PCDH15: variants seen among roughly 807,000 people sequenced by gnomAD.
PCDH15 encodes the protein protocadherin related 15.
In PCDH15, 129 loss-of-function variants were observed where a neutral mutation model predicts 178.5. That is an observed-to-expected ratio of 0.72 (90% CI 0.63 to 0.84). The LOEUF is 0.84. Ranked by LOEUF, PCDH15 falls within the 40% of genes least tolerant of loss-of-function variation. The pLI, the probability that PCDH15 is intolerant of heterozygous loss-of-function variation, is 0.00. For synonymous variants in PCDH15, 800 were observed against 732.0 expected, an observed-to-expected ratio of 1.09 and a Z score of -1.50; for missense variants, 2,230 against 2,099.9, an observed-to-expected ratio of 1.06 and a Z score of -1.21.
At chr10:54,328,798 G>A (rs1389451153) in intron 7 of PCDH15, among the ~76,000 whole-genome samples, 1 of 78,884 alleles carries the variant, frequency 1.3e-5, no homozygotes. Flanking sequence ...CAGAGAAGAG[G>A]GAAGTATAAG....
At chr10:55,163,935 C>T (rs974722261) in intron 2 of PCDH15, among the ~76,000 whole-genome samples, 3 of 152,296 alleles carry the variant, frequency 2.0e-5, no homozygotes, top group Admixed American at 6.5e-5. Flanking sequence ...TGCCACTGCT[C>T]TGCCTATGGA....
At chr10:54,460,416 A>G (rs568963279) in intron 3 of PCDH15, among the ~76,000 whole-genome samples, 10 of 152,242 alleles carry the variant, frequency 6.6e-5, no homozygotes, top group African/African-American at 2.2e-4. Context: ...TAATATTACC[A>G]TATTTCAGGT....
intron 2 of PCDH15, among the ~76,000 whole-genome samples, chr10:55,068,070 G>T (rs1373632387): frequency 2.0e-5 from 3 of 152,008 alleles, no homozygotes; most frequent in Non-Finnish European, 4.4e-5. Flanking sequence ...TGGCTGTGCA[G>T]AATCTTTTTA....
chr10:54,898,699 A>C (rs1954588439), intron 2 of PCDH15, among the ~76,000 whole-genome samples: 1 of 152,130 alleles, frequency 6.6e-6, no homozygotes, highest in Admixed American at 6.6e-5. Context: ...ACTCCTATGA[A>C]AGCACTTTCC....
intron 1 of PCDH15, among the ~76,000 whole-genome samples, chr10:55,243,302 T>C (rs1461021968): frequency 6.6e-6 from 1 of 152,176 alleles, no homozygotes; most frequent in Admixed American, 6.5e-5. Context: ...ATTGCATAAA[T>C]ATTAAATGCA....
At chr10:54,755,936 T>A (rs11004551) in intron 1 of PCDH15, among the ~76,000 whole-genome samples, 1 of 151,396 alleles carries the variant, frequency 6.6e-6, no homozygotes, top group South Asian at 2.1e-4. Flanking sequence ...GTAAACACCA[T>A]GAGACAAGGC....
At chr10:54,500,495 T>A (rs983791752) in intron 3 of PCDH15, among the ~76,000 whole-genome samples, 1 of 152,028 alleles carries the variant, frequency 6.6e-6, no homozygotes, top group Non-Finnish European at 1.5e-5. Flanking sequence ...TGATTTACTG[T>A]CACTTAGGAG....
chr10:55,421,599 T>A (rs1453851542), intron 2 of PCDH15, among the ~76,000 whole-genome samples: 4 of 150,974 alleles, frequency 2.6e-5, no homozygotes, highest in African/African-American at 9.7e-5. Flanking sequence ...AAAATGATCT[T>A]CTGTGACTCA....
At chr10:54,549,172 GTTT>G (rs1181545167) in intron 2 of PCDH15, among the ~76,000 whole-genome samples, 1 of 151,108 alleles carries the variant, frequency 6.6e-6, no homozygotes, top group Non-Finnish European at 1.5e-5. Context: ...GATACTTTAT[GTTT>G]TTTATTATTT....
intron 11 of PCDH15, among the ~76,000 whole-genome samples, chr10:54,187,251 A>G (rs531403299): frequency 6.6e-6 from 1 of 151,952 alleles, no homozygotes; most frequent in East Asian, 1.9e-4. Context: ...AATTCTCTCA[A>G]TTTATTTTCT....
chr10:54,773,186 A>G, intron 1 of PCDH15, among the ~76,000 whole-genome samples: 1 of 152,104 alleles, frequency 6.6e-6, no homozygotes, highest in Admixed American at 6.5e-5. Flanking sequence ...TCTGCAGCAA[A>G]CCACCATGGC....
chr10:54,766,119 A>C (rs1407597802), intron 1 of PCDH15, among the ~76,000 whole-genome samples: 14 of 152,080 alleles, frequency 9.2e-5, no homozygotes, highest in Non-Finnish European at 2.1e-4. Flanking sequence ...CTGGAATAAG[A>C]AAAAAATACA....
intron 1 of PCDH15, among the ~76,000 whole-genome samples, chr10:54,738,454 A>G (rs980990284): frequency 6.6e-6 from 1 of 152,084 alleles, no homozygotes; most frequent in African/African-American, 2.4e-5. Context: ...TAAAGTAGGT[A>G]AAACATGAAT....
At position 54,286,403 on chromosome 10, in the gene PCDH15, AT is replaced by A. The variant is rs375612804; in HGVS notation, c.876+30867del. ...GTATCTTTTGGCTCCTAGACACCTG[AT>A]TTTTTTTTTCCATTTTGCCAAAAGT... On this transcript the variant is annotated intron_variant, in intron 8 of 37. Transcript: ENST00000644397. Among the ~76,000 whole-genome samples the A allele has an allele frequency of 2.5e-3, 383 of 150,494 alleles. 5 individuals are homozygous for A. Among genetic ancestry groups the A allele is most frequent in the South Asian group, 0.012 (59 of 4,742 alleles).
chr10:55,050,138 T>C (rs758528363), intron 2 of PCDH15, among the ~76,000 whole-genome samples: 41 of 152,142 alleles, frequency 2.7e-4, no homozygotes, highest in Non-Finnish European at 4.6e-4. Context: ...TATCAACAAT[T>C]ATTCTCCAAT....
chr10:55,513,858 C>T (rs542573616), intron 2 of PCDH15, among the ~76,000 whole-genome samples: 16 of 152,044 alleles, frequency 1.1e-4, no homozygotes, highest in South Asian at 6.2e-4. Flanking sequence ...AGCCACCTTC[C>T]TAATCTTCTA....
chr10:55,196,734 T>C (rs910583477), intron 1 of PCDH15, among the ~76,000 whole-genome samples: 1 of 152,074 alleles, frequency 6.6e-6, no homozygotes, highest in African/African-American at 2.4e-5. Flanking sequence ...AGAAAAATAC[T>C]ATTTATGTAA....
At chr10:55,565,633 C>T (rs1842286517) in intron 2 of PCDH15, among the ~76,000 whole-genome samples, 1 of 151,490 alleles carries the variant, frequency 6.6e-6, no homozygotes. Flanking sequence ...ACTCAAATTA[C>T]TACAATGAGA....
chr10:55,290,528 T>C (rs1842982723), intron 1 of PCDH15, among the ~76,000 whole-genome samples: 1 of 152,138 alleles, frequency 6.6e-6, no homozygotes, highest in Non-Finnish European at 1.5e-5. Context: ...ATTTGGACCC[T>C]AACTTACTAA....
Sources: allele counts gnomAD v4.1 joint callset (sites outside exome capture counted in the v4.1 genomes callset), GRCh38; gene constraint gnomAD v4.1.1; transcripts MANE v1.5; gene names NCBI Gene and HGNC (gene_info 2026-07-23, HGNC 2026-07-21).